COL25A1: variants seen among roughly 807,000 people sequenced by gnomAD.
The protein encoded by COL25A1 is collagen alpha-1(XXV) chain.
In COL25A1, 103 loss-of-function variants were observed where a neutral mutation model predicts 128.4. The ratio of observed to expected loss-of-function variants is 0.80; its 90% confidence interval spans 0.68 to 0.94. COL25A1 has a LOEUF of 0.94. Ranked by LOEUF, COL25A1 falls within the 40% of genes least tolerant of loss-of-function variation. The probability of loss-of-function intolerance (pLI) is 0.00; values close to 1 mark genes in which losing one functional copy is unlikely to be tolerated. For missense variants in COL25A1, 745 were observed against 840.0 expected, an observed-to-expected ratio of 0.89 and a Z score of 1.40; for synonymous variants, 279 against 277.2, an observed-to-expected ratio of 1.01 and a Z score of -0.06.
At chr4:109,147,199 T>C (rs935443418) in intron 3 of COL25A1, among the ~76,000 whole-genome samples, 11 of 152,214 alleles carry the variant, frequency 7.2e-5, no homozygotes, top group Non-Finnish European at 1.0e-4. Flanking sequence ...ATTAACACAA[T>C]TTAAATGCAG....
At chr4:109,182,797 T>C (rs1375836948) in intron 3 of COL25A1, among the ~76,000 whole-genome samples, 1 of 152,102 alleles carries the variant, frequency 6.6e-6, no homozygotes, top group Non-Finnish European at 1.5e-5. Flanking sequence ...TATAGAGCCC[T>C]GGTGTCTACC....
chr4:109,230,675 T>TATA (rs1779104690), intron 3 of COL25A1, among the ~76,000 whole-genome samples: 1 of 152,086 alleles, frequency 6.6e-6, no homozygotes, highest in African/African-American at 2.4e-5. Flanking sequence ...CAAAAATGCT[T>TATA]AATCAAAAAA....
chr4:109,157,205 T>C (rs1411852682), intron 3 of COL25A1, among the ~76,000 whole-genome samples: 1 of 152,074 alleles, frequency 6.6e-6, no homozygotes, highest in African/African-American at 2.4e-5. Flanking sequence ...AACAAATAAA[T>C]TGAAATAAAA....
chr4:109,043,586 TA>T (rs33927518), intron 5 of COL25A1, among the ~76,000 whole-genome samples: 5 of 151,262 alleles, frequency 3.3e-5, no homozygotes, highest in Admixed American at 2.6e-4. Flanking sequence ...AACAGCCAGT[TA>T]AAAAAAAGGT....
intron 19 of COL25A1, among the ~76,000 whole-genome samples, chr4:108,878,334 T>C (rs1446415296): frequency 1.3e-5 from 2 of 151,786 alleles, no homozygotes; most frequent in Non-Finnish European, 2.9e-5. Flanking sequence ...CATTGCCCAA[T>C]AAATAGTACA....
At chr4:109,120,889 T>A (rs1419219751) in intron 3 of COL25A1, among the ~76,000 whole-genome samples, 1 of 151,402 alleles carries the variant, frequency 6.6e-6, no homozygotes, top group African/African-American at 2.4e-5. Context: ...GATATAAATC[T>A]AAAAAAAATG....
chr4:108,923,141 A>T (rs932823804), intron 11 of COL25A1, among the ~76,000 whole-genome samples: 6 of 152,202 alleles, frequency 3.9e-5, no homozygotes, highest in Non-Finnish European at 7.3e-5. Flanking sequence ...TAATACCATT[A>T]TGTATCTATA....
rs140566932 is a variant in COL25A1 at position 109,015,300 on chromosome 4, T to G, written c.421-4925A>C. Reference sequence around the variant, plus strand: ...CTAGTCTATTGTAATTTAAAGGTAGTGACCACTATTAATAATTAACTGTGA... The same window carrying G: ...CTAGTCTATTGTAATTTAAAGGTAGGGACCACTATTAATAATTAACTGTGA... On this transcript the variant is annotated intron_variant, in intron 5 of 37. Coordinates refer to ENST00000399132, the MANE Select transcript of COL25A1 (RefSeq NM_198721.4). 3.2e-3 allele frequency among the ~76,000 whole-genome samples: 485 copies of G among 152,346 alleles called. 1 individual carries two copies. The highest frequency in any genetic ancestry group is 5.0e-3 in the Non-Finnish European group (340 of 68,026).
At chr4:109,037,311 G>A (rs1401036192) in intron 5 of COL25A1, among the ~76,000 whole-genome samples, 1 of 152,176 alleles carries the variant, frequency 6.6e-6, no homozygotes, top group Non-Finnish European at 1.5e-5. Flanking sequence ...ACTTTGCATG[G>A]ATTCTTTAGC....
At chr4:108,951,153 T>C (rs540760959) in intron 8 of COL25A1, among the ~76,000 whole-genome samples, 11 of 151,954 alleles carry the variant, frequency 7.2e-5, no homozygotes, top group Admixed American at 3.3e-4. Context: ...CCTGGAAAAA[T>C]TGATAGGGCA....
rs761709003 is a variant in COL25A1 at position 108,827,229 on chromosome 4, C to A, written c.1711-41G>T. ...GAAAGTTCAAATCATACACACCCAC[C>A]TACATTCACACACTTTCTCTCATGC... On this transcript the variant is annotated intron_variant, in intron 32 of 37. Coordinates refer to ENST00000399132, the MANE Select transcript of COL25A1 (RefSeq NM_198721.4). 4 of 1,521,554 alleles carry A rather than the reference C, an allele frequency of 2.6e-6. No individual in the cohort carries two copies. In the Admixed American group the frequency reaches 6.7e-5, roughly 25 times the overall value. 94.3% of individuals were successfully genotyped at this position (1,521,554 alleles called of 1,614,324 possible). A position where few individuals can be genotyped will look rare whatever the true frequency, so the allele number is the denominator to read the frequency against.
chr4:108,989,659 A>T (rs1242187776), intron 6 of COL25A1, among the ~76,000 whole-genome samples: 2 of 152,214 alleles, frequency 1.3e-5, no homozygotes, highest in African/African-American at 2.4e-5. Flanking sequence ...ATAGGCTAAC[A>T]TTAACTTGGT....
chr4:109,081,336 TTTAGA>T (rs1446008777), intron 3 of COL25A1, among the ~76,000 whole-genome samples: 8 of 152,216 alleles, frequency 5.3e-5, no homozygotes, highest in Non-Finnish European at 7.3e-5. Flanking sequence ...AGAAAATATC[TTTAGA>T]TTAGATAGAA....
chr4:108,855,725 A>T (rs1183088232), intron 24 of COL25A1, among the ~76,000 whole-genome samples: 2 of 152,174 alleles, frequency 1.3e-5, no homozygotes, highest in Non-Finnish European at 2.9e-5. Context: ...TTAAATAACT[A>T]TGTTTGTGAA....
At chr4:109,112,497 T>C (rs1246249268) in intron 3 of COL25A1, among the ~76,000 whole-genome samples, 1 of 104,424 alleles carries the variant, frequency 9.6e-6, no homozygotes, top group Non-Finnish European at 2.7e-5. Context: ...TTTTATAAAA[T>C]ATTAGAAAAA....
chr4:108,868,997 AAG>A, intron 20 of COL25A1, 89 bp downstream of exon 20: 1 of 762,556 alleles, frequency 1.3e-6, no homozygotes, highest in Non-Finnish European at 2.2e-6. Context: ...CAATAAAAGA[AAG>A]AGAAAGGAAA....
intron 8 of COL25A1, among the ~76,000 whole-genome samples, chr4:108,970,059 G>A (rs777538260): frequency 1.3e-5 from 2 of 151,996 alleles, no homozygotes; most frequent in South Asian, 2.1e-4. Context: ...TCGCCACCAC[G>A]CCTGGCTACT....
chr4:108,971,579 A>G (rs1241533980), intron 8 of COL25A1, among the ~76,000 whole-genome samples: 1 of 152,184 alleles, frequency 6.6e-6, no homozygotes, highest in Non-Finnish European at 1.5e-5. Flanking sequence ...GTGTGTCTGA[A>G]GAGGACATGG....
intron 3 of COL25A1, among the ~76,000 whole-genome samples, chr4:109,168,321 G>A (rs1773262870): frequency 6.6e-6 from 1 of 152,084 alleles, no homozygotes; most frequent in Non-Finnish European, 1.5e-5. Flanking sequence ...ATGGACTGAA[G>A]AAATATTACC....
Sources: allele counts gnomAD v4.1 joint callset (sites outside exome capture counted in the v4.1 genomes callset), GRCh38; gene constraint gnomAD v4.1.1; transcripts MANE v1.5; gene names NCBI Gene and HGNC (gene_info 2026-07-23, HGNC 2026-07-21).